NTRK3: variants seen among roughly 807,000 people sequenced by gnomAD.
NTRK3 encodes the protein neurotrophic receptor tyrosine kinase 3, also known as NT-3 growth factor receptor.
Under a neutral mutation model 91.7 loss-of-function variants are expected in NTRK3, and 24 were observed. The observed-to-expected ratio is 0.26, with a 90% CI of 0.19 to 0.37. NTRK3 has a LOEUF of 0.37. NTRK3 is among the 10% of genes least tolerant of loss of function. The pLI, the probability that NTRK3 is intolerant of heterozygous loss-of-function variation, is 1.00. For synonymous variants in NTRK3, 483 were observed against 404.0 expected, an observed-to-expected ratio of 1.20 and a Z score of -2.34; for missense variants, 880 against 1,068.9, an observed-to-expected ratio of 0.82 and a Z score of 2.46.
chr15:88,017,650 C>T (rs1446836435), intron 14 of NTRK3, among the ~76,000 whole-genome samples: 7 of 152,002 alleles, frequency 4.6e-5, no homozygotes, highest in Admixed American at 3.3e-4. Context: ...CCCCTAGCCA[C>T]CCCACCCAGC....
chr15:87,891,663 A>G (rs1228713455), intron 17 of NTRK3, among the ~76,000 whole-genome samples: 4 of 152,080 alleles, frequency 2.6e-5, no homozygotes, highest in Non-Finnish European at 5.9e-5. Context: ...ACTGAAGTTC[A>G]CTCATTCTTT....
In NTRK3 at chr15:88,205,753, G is replaced by C. The variant is rs934884554; in HGVS notation, c.249-21454C>G. On this transcript the variant is annotated intron_variant, in intron 3 of 18. Transcript: ENST00000394480. The stretch of plus-strand genomic sequence containing the variant: ...ATGGCGGGCCTGACTACAAGAGAAG[G>C]CTCCTAAGGACTTTGGGGATGGGAA... 2.6e-5 allele frequency: 4 copies of C among 152,204 alleles called. No homozygotes were observed. In the East Asian group the frequency reaches 5.8e-4, roughly 22 times the overall value. 9.4% of individuals were successfully genotyped at this position (152,204 alleles called of 1,614,324 possible).
rs368636763 is a variant in NTRK3 at position 87,909,074 on chromosome 15, T to A, written c.2133+20117A>T. Among the ~76,000 whole-genome samples the A allele has an allele frequency of 4.9e-4, 74 of 152,254 alleles. 1 individual carries two copies. The highest frequency in any genetic ancestry group is 1.8e-3 in the African/African-American group (74 of 41,544). On this transcript the variant is annotated intron_variant, in intron 17 of 18. Coordinates refer to ENST00000394480, the Ensembl canonical transcript of NTRK3. ...GTGTGTCCCGCAGAAAATCCCTGAA[T>A]TCACCACTGCTTTTAGGGCTACCCA...
At chr15:88,081,190 C>G (rs1457275562) in intron 13 of NTRK3, among the ~76,000 whole-genome samples, 2 of 152,228 alleles carry the variant, frequency 1.3e-5, no homozygotes, top group East Asian at 3.9e-4. Context: ...GAGATTGAGG[C>G]CTCCATATAT....
intron 3 of NTRK3, among the ~76,000 whole-genome samples, chr15:88,213,084 A>T (rs2049403690): frequency 6.6e-6 from 1 of 152,212 alleles, no homozygotes; most frequent in Non-Finnish European, 1.5e-5. Flanking sequence ...TCTATGCCTG[A>T]CTGAGACTAG....
At chr15:88,216,538 T>C (rs2049789823) in intron 3 of NTRK3, among the ~76,000 whole-genome samples, 1 of 152,166 alleles carries the variant, frequency 6.6e-6, no homozygotes, top group African/African-American at 2.4e-5. Flanking sequence ...AAATTAGCAG[T>C]GAGACCATCC....
chr15:87,883,863 T>G lies in NTRK3; in HGVS notation c.2134-3435A>C, dbSNP rs563087553. 1.0e-3 allele frequency among the ~76,000 whole-genome samples: 154 copies of G among 150,560 alleles called. 1 individual carries two copies. Among genetic ancestry groups the G allele is most frequent in the African/African-American group, 3.6e-3 (150 of 41,254 alleles). On this transcript the variant is annotated intron_variant, in intron 17 of 18. Transcript: ENST00000394480. ...TAAAAGTATTTATTGTAACAATAACTAAAGTCCTATTTCTTGAAATCTATG... is the reference window on the plus strand; with the variant it reads ...TAAAAGTATTTATTGTAACAATAACGAAAGTCCTATTTCTTGAAATCTATG...
chr15:88,065,539 C>A (rs1443244085), intron 13 of NTRK3, among the ~76,000 whole-genome samples: 1 of 152,070 alleles, frequency 6.6e-6, no homozygotes, highest in East Asian at 1.9e-4. Flanking sequence ...CAGGACTGGG[C>A]AGATACCCCA....
chr15:88,189,623 T>C (rs2047227452), intron 3 of NTRK3, among the ~76,000 whole-genome samples: 1 of 152,058 alleles, frequency 6.6e-6, no homozygotes, highest in Non-Finnish European at 1.5e-5. Flanking sequence ...TTTGTATTTT[T>C]AGTAGAGACA....
chr15:87,886,834 AAG>A (rs985868625), intron 17 of NTRK3, among the ~76,000 whole-genome samples: 4 of 150,540 alleles, frequency 2.7e-5, no homozygotes, highest in African/African-American at 4.9e-5. Flanking sequence ...GTAAAAAAAA[AAG>A]TGCGAATATA....
At chr15:88,227,641 G>A (rs949301804) in intron 3 of NTRK3, among the ~76,000 whole-genome samples, 2 of 152,126 alleles carry the variant, frequency 1.3e-5, no homozygotes, top group African/African-American at 4.8e-5. Flanking sequence ...AGAACGGTGA[G>A]GAATCCACTT....
intron 14 of NTRK3, among the ~76,000 whole-genome samples, chr15:88,017,339 G>A (rs1387040748): frequency 2.6e-5 from 4 of 152,192 alleles, no homozygotes; most frequent in Admixed American, 1.3e-4. Context: ...AGGATACAAG[G>A]ATGCAGAAGG....
At chr15:87,931,253 G>T (rs1355936554) in intron 16 of NTRK3, 3 of 517,556 alleles carry the variant, frequency 5.8e-6, no homozygotes, top group African/African-American at 1.9e-5. Context: ...GTAAGGATAG[G>T]ATGTGGTGAA....
intron 3 of NTRK3, among the ~76,000 whole-genome samples, chr15:88,224,415 G>C (rs781507033): frequency 6.6e-6 from 1 of 152,196 alleles, no homozygotes; most frequent in African/African-American, 2.4e-5. Flanking sequence ...TCTGCATTCC[G>C]GGGCCTCAAC....
At chr15:88,088,264 C>G (rs532589201) in intron 13 of NTRK3, among the ~76,000 whole-genome samples, 2 of 152,098 alleles carry the variant, frequency 1.3e-5, no homozygotes, top group South Asian at 4.2e-4. Context: ...GTGGAGCTGG[C>G]GTGGAACTAT....
chr15:88,218,309 G>A (rs939803838), intron 3 of NTRK3, among the ~76,000 whole-genome samples: 2 of 152,106 alleles, frequency 1.3e-5, no homozygotes, highest in Admixed American at 6.5e-5. Flanking sequence ...ACTTCTCCAT[G>A]CAGCTACGGT....
intron 13 of NTRK3, among the ~76,000 whole-genome samples, chr15:88,102,098 G>A (rs1400496531): frequency 6.6e-6 from 1 of 152,056 alleles, no homozygotes; most frequent in Non-Finnish European, 1.5e-5. Context: ...GAACCACAAG[G>A]ACCTGCCCAG....
intron 17 of NTRK3, among the ~76,000 whole-genome samples, chr15:87,912,931 A>AAAAATATAT (rs1484111389): frequency 5.5e-5 from 2 of 36,500 alleles, no homozygotes; most frequent in East Asian, 7.9e-4. Flanking sequence ...AGTAAAAAAA[A>AAAAATATAT]ATATATATAT....
intron 13 of NTRK3, among the ~76,000 whole-genome samples, chr15:88,111,176 G>C (rs1393258198): frequency 1.3e-5 from 2 of 152,184 alleles, no homozygotes; most frequent in Non-Finnish European, 2.9e-5. Flanking sequence ...CATCTATCCA[G>C]GCTGCTGCTT....
Sources: allele counts gnomAD v4.1 joint callset (sites outside exome capture counted in the v4.1 genomes callset), GRCh38; gene constraint gnomAD v4.1.1; transcripts MANE v1.5; gene names NCBI Gene and HGNC (gene_info 2026-07-23, HGNC 2026-07-21).